ADCY1: variants seen among roughly 807,000 people sequenced by gnomAD.
ADCY1 encodes the protein adenylate cyclase type 1.
In ADCY1, 28 loss-of-function variants were observed where a neutral mutation model predicts 105.4. The observed-to-expected ratio is 0.27, with a 90% confidence interval of 0.20 to 0.36. The LOEUF is 0.36. ADCY1 is among the 10% of genes least tolerant of loss of function. ADCY1 has a pLI of 1.00. For synonymous variants in ADCY1, 655 were observed against 623.8 expected, an observed-to-expected ratio of 1.05 and a Z score of -0.75; for missense variants, 977 against 1,434.2, an observed-to-expected ratio of 0.68 and a Z score of 5.15.
intron 2 of ADCY1, among the ~76,000 whole-genome samples, chr7:45,609,833 A>G (rs1175967376): frequency 1.3e-5 from 2 of 152,138 alleles, no homozygotes; most frequent in African/African-American, 2.4e-5. Context: ...GAAAAATCCA[A>G]ACATTTATTC....
intron 2 of ADCY1, among the ~76,000 whole-genome samples, chr7:45,605,648 C>G (rs1793354015): frequency 6.6e-6 from 1 of 152,124 alleles, no homozygotes; most frequent in Admixed American, 6.5e-5. Context: ...CTGGATTAAA[C>G]CCCATGTGTT....
intron 8 of ADCY1, among the ~76,000 whole-genome samples, chr7:45,673,131 G>GAATT (rs1269387852): frequency 6.6e-6 from 1 of 152,002 alleles, no homozygotes; most frequent in Non-Finnish European, 1.5e-5. Context: ...TTCATCCCTA[G>GAATT]AATTGTTTAT....
chr7:45,672,934 G>A (rs1156887910), intron 8 of ADCY1, among the ~76,000 whole-genome samples: 1 of 152,136 alleles, frequency 6.6e-6, no homozygotes, highest in Non-Finnish European at 1.5e-5. Flanking sequence ...TGTGATGTTA[G>A]CTATAGGCAT....
At chr7:45,646,003 G>A (rs893078311) in intron 4 of ADCY1, among the ~76,000 whole-genome samples, 10 of 151,868 alleles carry the variant, frequency 6.6e-5, no homozygotes, top group African/African-American at 2.2e-4. Flanking sequence ...GGTGGGAGGT[G>A]GCAAGGGCTG....
chr7:45,622,456 TCA>T (rs1562692892), intron 3 of ADCY1, among the ~76,000 whole-genome samples, 174 bp from the exon 4 acceptor site: 1 of 152,168 alleles, frequency 6.6e-6, no homozygotes, highest in Non-Finnish European at 1.5e-5. Context: ...TTTCTGAGCC[TCA>T]GTCTTCTCAC....
At chr7:45,652,133 A>C (rs1794827213) in intron 5 of ADCY1, among the ~76,000 whole-genome samples, 1 of 152,138 alleles carries the variant, frequency 6.6e-6, no homozygotes, top group Non-Finnish European at 1.5e-5. Flanking sequence ...AGAGCTACAC[A>C]CTTTCAAACA....
At chr7:45,641,221 C>A (rs1453334706) in intron 4 of ADCY1, among the ~76,000 whole-genome samples, 1 of 152,160 alleles carries the variant, frequency 6.6e-6, no homozygotes, top group Non-Finnish European at 1.5e-5. Context: ...ATTCCGAGGC[C>A]AGGAATCACC....
In ADCY1 at chr7:45,686,411, G is replaced by T. The variant is rs1337384489; in HGVS notation, c.2328-136G>T. The T allele has an allele frequency of 2.8e-6, 4 of 1,436,304 alleles. No individual in the cohort carries two copies. The highest frequency in any genetic ancestry group is 4.8e-5 in the Admixed American group (2 of 41,646). The allele number at this position is 1,436,304 out of a possible 1,614,324, so 89.0% of individuals were successfully genotyped here. A position where few individuals can be genotyped will look rare whatever the true frequency, so the allele number is the denominator to read the frequency against. On this transcript the variant is annotated intron_variant, in intron 13 of 19. Coordinates refer to ENST00000297323, the MANE Select transcript of ADCY1 (RefSeq NM_021116.4). This position sits in a 1 kb window ranked among gnomAD's most constrained non-coding sequence, Gnocchi z 4.3. ...ATTTCCCTATGATAAGTGATTCTTGGCCAAGGTCAATCCCAGCAAGCTGTT... is the reference window on the plus strand; with the variant it reads ...ATTTCCCTATGATAAGTGATTCTTGTCCAAGGTCAATCCCAGCAAGCTGTT...
intron 4 of ADCY1, among the ~76,000 whole-genome samples, chr7:45,646,197 G>A (rs1292832357): frequency 6.6e-6 from 1 of 152,182 alleles, no homozygotes; most frequent in Middle Eastern, 3.2e-3. Flanking sequence ...GCCCAGAGCT[G>A]ACTGTGGGCC....
At chr7:45,599,952 T>G (rs558304179) in intron 2 of ADCY1, among the ~76,000 whole-genome samples, 4 of 152,296 alleles carry the variant, frequency 2.6e-5, no homozygotes, top group African/African-American at 4.8e-5. Flanking sequence ...TTTCCTACTT[T>G]GTTTGAAGTC....
In ADCY1 at chr7:45,714,076, G is replaced by T. The variant is rs907070334; in HGVS notation, c.*81G>T. The T allele has an allele frequency of 1.9e-5, 12 of 645,132 alleles. No homozygotes were observed. In the Admixed American group the frequency reaches 2.9e-4, roughly 15 times the overall value. 40.0% of individuals were successfully genotyped at this position (645,132 alleles called of 1,614,324 possible). On this transcript the variant is annotated 3_prime_UTR_variant, in exon 20 of 20. Coordinates refer to ENST00000297323, the MANE Select transcript of ADCY1 (RefSeq NM_021116.4). Reference sequence around the variant, plus strand: ...CACAGGCCACGGTGGCTCCAGCCAGGACCAGCCAGACCAGCAGAGCAGGGA... The same window carrying T: ...CACAGGCCACGGTGGCTCCAGCCAGTACCAGCCAGACCAGCAGAGCAGGGA...
At chr7:45,578,619 C>T (rs915914472) in intron 1 of ADCY1, among the ~76,000 whole-genome samples, 12 of 152,168 alleles carry the variant, frequency 7.9e-5, no homozygotes, top group Non-Finnish European at 1.2e-4. Flanking sequence ...ATGCCACTCA[C>T]AGACTCAGAG....
chr7:45,574,918 G>A lies in ADCY1; in HGVS notation c.375G>A (p.Leu125=). The A allele has an allele frequency of 1.2e-6, 2 of 1,612,008 alleles. No homozygotes were observed. The highest frequency in any genetic ancestry group is 8.5e-7 in the Non-Finnish European group (1 of 1,179,758). ...QVPQLQQVGQ[L]ALLFSLTFAL... ...CCCAGCTGCAGCAGGTCGGCCAGCT[G>A]GCGCTGCTCTTCAGCCTCACCTTCG... is the stretch of plus-strand genomic sequence containing the variant. Residue 125 remains leucine, a synonymous_variant, in exon 1 of 20, where the codon CTG becomes CTA. Coordinates refer to ENST00000297323, the MANE Select transcript of ADCY1 (RefSeq NM_021116.4). The surrounding 1 kb of genome is among the most constrained non-coding windows in gnomAD (Gnocchi z 7.0).
At chr7:45,662,832 C>G (rs565078553) in intron 8 of ADCY1, among the ~76,000 whole-genome samples, 1 of 152,220 alleles carries the variant, frequency 6.6e-6, no homozygotes, top group African/African-American at 2.4e-5. Context: ...CCCAGCTTTG[C>G]GTCAGGTGCT....
intron 4 of ADCY1, among the ~76,000 whole-genome samples, chr7:45,640,502 G>A (rs762808875): frequency 6.6e-6 from 1 of 152,188 alleles, no homozygotes; most frequent in South Asian, 2.1e-4. Flanking sequence ...ATTTTTAATT[G>A]GTTAAAGAAG....
intron 3 of ADCY1, 21 bp downstream of exon 3, chr7:45,610,518 G>C: frequency 6.3e-7 from 1 of 1,597,726 alleles, no homozygotes; most frequent in Non-Finnish European, 8.6e-7. Context: ...TGCTGACCCG[G>C]CACAGCGGGG....
chr7:45,648,923 G>C, intron 5 of ADCY1, 126 bp downstream of exon 5: 1 of 1,152,636 alleles, frequency 8.7e-7, no homozygotes, highest in Non-Finnish European at 1.2e-6. Context: ...TGATGGGTCT[G>C]TCTGAGGCTG....
Position 45,686,010 on chromosome 7 carries a change from G to A in ADCY1, c.2122G>A (p.Val708Met), listed in dbSNP as rs1784664863. Reference sequence around the variant, plus strand: ...GAGCTCCAAGCCCAACAGTTCCCTGGTGGTCCTTTCGTCTGGGGGCCAGCG... The same window carrying A: ...GAGCTCCAAGCCCAACAGTTCCCTGATGGTCCTTTCGTCTGGGGGCCAGCG... ...AWSSKPNSSLVVLSSGGQRTA... is the reference protein window; with the variant it reads ...AWSSKPNSSLMVLSSGGQRTA... The change falls in exon 13 of 20, where the codon GTG becomes ATG. Residue 708 changes from valine (V) to methionine (M), a missense_variant. Coordinates refer to ENST00000297323, the MANE Select transcript of ADCY1 (RefSeq NM_021116.4). The surrounding 1 kb of genome is among the most constrained non-coding windows in gnomAD (Gnocchi z 4.3). The A allele has an allele frequency of 9.3e-6, 15 of 1,614,010 alleles. No individual in the cohort carries two copies. The highest frequency in any genetic ancestry group is 1.3e-5 in the Non-Finnish European group (15 of 1,179,988).
intron 4 of ADCY1, among the ~76,000 whole-genome samples, chr7:45,645,902 C>T (rs1794650819): frequency 6.6e-6 from 1 of 151,604 alleles, no homozygotes; most frequent in South Asian, 2.1e-4. Flanking sequence ...GGTCTTGAGC[C>T]CTCATTTGGG....
Sources: allele counts gnomAD v4.1 joint callset (sites outside exome capture counted in the v4.1 genomes callset), GRCh38; gene constraint gnomAD v4.1.1; non-coding constraint Gnocchi (gnomAD v3.1); transcripts MANE v1.5; gene names NCBI Gene and HGNC (gene_info 2026-07-23, HGNC 2026-07-21).